EDEM3: variants seen among roughly 807,000 people sequenced by gnomAD.
EDEM3 encodes ER degradation enhancing alpha-mannosidase like protein 3.
Under a neutral mutation model 110.2 loss-of-function variants are expected in EDEM3, and 60 were observed. That is an observed-to-expected ratio of 0.54 (90% CI 0.44 to 0.67). EDEM3 has a LOEUF of 0.67. EDEM3 is among the 30% of genes least tolerant of loss of function. The pLI is 0.00. For missense variants in EDEM3, 996 were observed against 1,121.0 expected (o/e 0.89, Z 1.59); for synonymous variants, 352 against 382.9 (o/e 0.92, Z 0.94).
chr1:184,723,685 A>G, intron 8 of EDEM3, 66 bp downstream of exon 8: 1 of 1,200,412 alleles, frequency 8.3e-7, no homozygotes, highest in South Asian at 1.4e-5. Flanking sequence ...TAACAAATGA[A>G]AATTCTTTAT....
At chr1:184,731,959 A>G (rs1571399156) in intron 6 of EDEM3, among the ~76,000 whole-genome samples, 1 of 152,034 alleles carries the variant, frequency 6.6e-6, no homozygotes, top group East Asian at 1.9e-4. Flanking sequence ...GGTGGATCAC[A>G]AGGTCAGGAG....
intron 18 of EDEM3, among the ~76,000 whole-genome samples, 193 bp from the exon 19 acceptor site, chr1:184,703,189 A>C (rs1365177155): frequency 6.6e-6 from 1 of 152,220 alleles, no homozygotes; most frequent in Non-Finnish European, 1.5e-5. Context: ...AGTAGCGAAA[A>C]GCCCTATGCC....
chr1:184,742,212 T>C (rs899370634), intron 2 of EDEM3, among the ~76,000 whole-genome samples: 1 of 152,198 alleles, frequency 6.6e-6, no homozygotes, highest in East Asian at 1.9e-4. Flanking sequence ...AAGAATACTT[T>C]GCATTGAAGA....
chr1:184,698,109 T>C (rs1233022954), intron 19 of EDEM3, among the ~76,000 whole-genome samples: 2 of 151,448 alleles, frequency 1.3e-5, no homozygotes, highest in South Asian at 2.1e-4. Flanking sequence ...AAACAAAAAA[T>C]ATACCTATAA....
At chr1:184,706,172 A>G (rs1649914106) in intron 18 of EDEM3, among the ~76,000 whole-genome samples, 1 of 152,194 alleles carries the variant, frequency 6.6e-6, no homozygotes, top group African/African-American at 2.4e-5. Context: ...TCTACAGATT[A>G]AAAAACTGAA....
At chr1:184,751,010 A>C (rs1235184346) in intron 1 of EDEM3, among the ~76,000 whole-genome samples, 1 of 152,144 alleles carries the variant, frequency 6.6e-6, no homozygotes, top group Admixed American at 6.5e-5. Flanking sequence ...GATCCTGACT[A>C]TGAACACCAA....
chr1:184,706,618 C>T (rs755665209), intron 18 of EDEM3, 25 bp downstream of exon 18: 5 of 1,563,386 alleles, frequency 3.2e-6, no homozygotes, highest in Non-Finnish European at 4.4e-6. Context: ...CTTCAGTCAA[C>T]ACAATGACAT....
chr1:184,708,136 ATTT>A lies in EDEM3; in HGVS notation c.2037+14_2037+16del, dbSNP rs763712051. 2.3e-5 allele frequency: 37 copies of A among 1,580,964 alleles called. No homozygotes were observed. Among genetic ancestry groups the A allele is most frequent in the Non-Finnish European group, 3.0e-5 (35 of 1,165,494 alleles). On this transcript the variant is annotated intron_variant, in intron 17 of 19. Coordinates refer to ENST00000318130, the MANE Select transcript of EDEM3 (RefSeq NM_025191.4). ...TTTTAAATTCAGTTTCAACAACTAT[ATTT>A]TAAGTATACATACCTCTTTATGTTT... is the stretch of plus-strand genomic sequence containing the variant.
chr1:184,749,968 G>C (rs1197398550), intron 1 of EDEM3, among the ~76,000 whole-genome samples: 3 of 152,070 alleles, frequency 2.0e-5, no homozygotes, highest in African/African-American at 7.2e-5. Flanking sequence ...GGTTTTGCTG[G>C]ACAGCCCTTT....
chr1:184,699,399 G>A (rs1035076168), intron 19 of EDEM3, among the ~76,000 whole-genome samples: 4 of 151,818 alleles, frequency 2.6e-5, no homozygotes, highest in Non-Finnish European at 5.9e-5. Context: ...GGGATTGATA[G>A]GGAACTTCCA....
At chr1:184,695,478 A>AT (rs1285662394) in intron 19 of EDEM3, among the ~76,000 whole-genome samples, 1 of 152,080 alleles carries the variant, frequency 6.6e-6, no homozygotes, top group Non-Finnish European at 1.5e-5. Flanking sequence ...GTATTTGCAT[A>AT]TAACTGACAC....
chr1:184,743,033 T>G (rs1372257975), intron 2 of EDEM3, among the ~76,000 whole-genome samples: 1 of 152,194 alleles, frequency 6.6e-6, no homozygotes, highest in Non-Finnish European at 1.5e-5. Flanking sequence ...ATTCAAACTC[T>G]AAATTAAATA....
intron 1 of EDEM3, among the ~76,000 whole-genome samples, 200 bp downstream of exon 1, chr1:184,754,289 C>G (rs1045315345): frequency 6.6e-6 from 1 of 152,180 alleles, no homozygotes; most frequent in Non-Finnish European, 1.5e-5. Flanking sequence ...GGGCGACACC[C>G]CGTCAGCTCC....
At chr1:184,723,400 T>C (rs963359543) in intron 8 of EDEM3, among the ~76,000 whole-genome samples, 11 of 151,906 alleles carry the variant, frequency 7.2e-5, no homozygotes, top group Non-Finnish European at 1.5e-4. Context: ...TTTCTGGAGG[T>C]AGGAGAAAAA....
chr1:184,749,739 A>G (rs1652648469), intron 1 of EDEM3, 147 bp from the exon 2 acceptor site: 1 of 627,138 alleles, frequency 1.6e-6, no homozygotes, highest in Non-Finnish European at 2.6e-6. Context: ...ACATAAACAG[A>G]ATCAGAAACT....
At chr1:184,734,319 A>C (rs900117137) in intron 5 of EDEM3, among the ~76,000 whole-genome samples, 8 of 152,078 alleles carry the variant, frequency 5.3e-5, no homozygotes, top group Non-Finnish European at 8.8e-5. Flanking sequence ...AAATACAAAA[A>C]TTAGCTGGGC....
Position 184,743,381 on chromosome 1 carries a change from T to C in EDEM3, c.205-5670A>G, listed in dbSNP as rs114764009. 6.7e-3 allele frequency among the ~76,000 whole-genome samples: 1,022 copies of C among 152,164 alleles called. 18 individuals are homozygous for C. Among genetic ancestry groups the C allele is most frequent in the African/African-American group, 0.024 (989 of 41,502 alleles). On this transcript the variant is annotated intron_variant, in intron 2 of 19. Transcript: ENST00000318130. ...TTCATATTGATATGACTCAGAGCCA[T>C]GAGAAACATTTAATAATTATCACTC...
intron 6 of EDEM3, among the ~76,000 whole-genome samples, chr1:184,730,313 G>A (rs1462033840): frequency 6.6e-6 from 1 of 152,198 alleles, no homozygotes; most frequent in Non-Finnish European, 1.5e-5. Context: ...CGGGCATGAT[G>A]GCTCACATCT....
chr1:184,722,261 A>T (rs868829035), intron 8 of EDEM3, among the ~76,000 whole-genome samples: 4 of 152,138 alleles, frequency 2.6e-5, no homozygotes, highest in Middle Eastern at 6.8e-3. Flanking sequence ...ATTTAAATCA[A>T]CATATTATGT....
Sources: allele counts gnomAD v4.1 joint callset (sites outside exome capture counted in the v4.1 genomes callset), GRCh38; gene constraint gnomAD v4.1.1; transcripts MANE v1.5; gene names NCBI Gene and HGNC (gene_info 2026-07-23, HGNC 2026-07-21).